SORCS1: variants seen among roughly 807,000 people sequenced by gnomAD.
SORCS1 encodes the protein sortilin related VPS10 domain containing receptor 1.
Under a neutral mutation model 146.1 loss-of-function variants are expected in SORCS1, and 60 were observed. That is an observed-to-expected ratio of 0.41 (90% confidence interval 0.33 to 0.51). SORCS1 has a LOEUF of 0.51. Among genes scored for constraint, SORCS1 ranks in the 20% least tolerant of loss-of-function variants. SORCS1 has a pLI of 0.21. For missense variants in SORCS1, 1,352 were observed against 1,487.6 expected (o/e 0.91, Z 1.50); for synonymous variants, 637 against 584.0 (o/e 1.09, Z -1.31).
At chr10:106,844,999 G>C (rs1186790843) in intron 2 of SORCS1, among the ~76,000 whole-genome samples, 1 of 138,648 alleles carries the variant, frequency 7.2e-6, no homozygotes, top group East Asian at 2.3e-4. Flanking sequence ...CATTTGGGTT[G>C]GTTCCAAGTC....
chr10:106,807,005 A>G lies in SORCS1; in HGVS notation c.726+22569T>C, dbSNP rs560121182. Among the ~76,000 whole-genome samples the G allele has an allele frequency of 2.3e-4, 35 of 152,312 alleles. No homozygotes were observed. The South Asian group carries it at 5.2e-3, about 23-fold the overall frequency. Reference sequence around the variant, plus strand: ...ATAAAGGCATGGGGAAAAAAAGCACATATGTTCACCATCCTACTTCTCGTC... The same window carrying G: ...ATAAAGGCATGGGGAAAAAAAGCACGTATGTTCACCATCCTACTTCTCGTC... On this transcript the variant is annotated intron_variant, in intron 3 of 25. Transcript: ENST00000263054.
chr10:106,824,101 C>T (rs1948179171), intron 3 of SORCS1, among the ~76,000 whole-genome samples: 1 of 149,760 alleles, frequency 6.7e-6, no homozygotes, highest in Admixed American at 6.7e-5. Flanking sequence ...GTCAGGAGTT[C>T]GAAACCAGCC....
At chr10:107,008,224 CAA>C (rs1957539646) in intron 1 of SORCS1, among the ~76,000 whole-genome samples, 1 of 151,950 alleles carries the variant, frequency 6.6e-6, no homozygotes, top group Non-Finnish European at 1.5e-5. Context: ...TAAAGCCACT[CAA>C]AAAGACAGTA....
At chr10:106,882,166 G>T (rs1950825548) in intron 2 of SORCS1, among the ~76,000 whole-genome samples, 2 of 152,084 alleles carry the variant, frequency 1.3e-5, no homozygotes, top group Non-Finnish European at 2.9e-5. Flanking sequence ...TGGGAATATG[G>T]TCTACCAGAG....
intron 1 of SORCS1, among the ~76,000 whole-genome samples, chr10:107,065,466 C>CCCTCTCCTCTCCTCTCCTCTCCTCT (rs61458526): frequency 5.1e-5 from 3 of 59,028 alleles, no homozygotes; most frequent in East Asian, 4.0e-4. Context: ...CTTTCTCTCT[C>CCCTCTCCTCTCCTCTCCTCTCCTCT]CCTCTCCTCT....
chr10:107,138,398 T>G (rs1967521371), intron 1 of SORCS1, among the ~76,000 whole-genome samples: 1 of 152,224 alleles, frequency 6.6e-6, no homozygotes, highest in African/African-American at 2.4e-5. Flanking sequence ...AAAGAGAATG[T>G]GTTTTCTTAC....
At chr10:106,812,301 G>A (rs1331606281) in intron 3 of SORCS1, among the ~76,000 whole-genome samples, 1 of 152,046 alleles carries the variant, frequency 6.6e-6, no homozygotes, top group Non-Finnish European at 1.5e-5. Context: ...CACCCAGCCT[G>A]GAGTTTTGTT....
At chr10:106,655,188 T>C (rs1169178310) in intron 17 of SORCS1, among the ~76,000 whole-genome samples, 1 of 152,076 alleles carries the variant, frequency 6.6e-6, no homozygotes, top group East Asian at 1.9e-4. Context: ...AAATCCTTTG[T>C]AGTTGCTTTT....
chr10:107,110,747 G>C (rs552827264), intron 1 of SORCS1, among the ~76,000 whole-genome samples: 19 of 152,178 alleles, frequency 1.2e-4, no homozygotes, highest in Non-Finnish European at 4.4e-5. Flanking sequence ...CTGGGGTCAG[G>C]ACTGCCTGCC....
At position 107,164,491 on chromosome 10, in the gene SORCS1, G is replaced by T; in HGVS notation, c.36C>A (p.Ala12=). 1 of 1,353,598 alleles carries T rather than the reference G, an allele frequency of 7.4e-7. No individual in the cohort carries two copies. The highest frequency in any genetic ancestry group is 3.0e-5 in the East Asian group (1 of 33,178). The allele number at this position is 1,353,598 out of a possible 1,614,324, so 83.8% of individuals were successfully genotyped here. A position where few individuals can be genotyped will look rare whatever the true frequency, so the allele number is the denominator to read the frequency against. Residue 12 remains alanine, a synonymous_variant, in exon 1 of 26, where the codon GCC becomes GCA. Transcript: ENST00000263054. This position sits in a 1 kb window ranked among gnomAD's most constrained non-coding sequence, Gnocchi z 6.8. ...CGCCGGCGAGGAGCGCGCTCAGCCGGGCTTGGGAGCCGCCGCCGGCGCCAA... is the reference window on the plus strand; with the variant it reads ...CGCCGGCGAGGAGCGCGCTCAGCCGTGCTTGGGAGCCGCCGCCGGCGCCAA... ...GKVGAGGGSQ[A]RLSALLAGAG... is the part of the protein sequence containing the mutation.
chr10:106,780,933 T>G (rs916463735), intron 3 of SORCS1, among the ~76,000 whole-genome samples: 3 of 151,586 alleles, frequency 2.0e-5, no homozygotes, highest in Non-Finnish European at 4.4e-5. Flanking sequence ...AGTAGACAAA[T>G]GAACATGAAA....
chr10:106,966,280 AC>A (rs57803196), intron 1 of SORCS1, among the ~76,000 whole-genome samples: 9,373 of 152,266 alleles, frequency 0.062, 880 homozygotes, highest in African/African-American at 0.2. Flanking sequence ...CACACACCAC[AC>A]ACACTCACAC....
intron 1 of SORCS1, among the ~76,000 whole-genome samples, chr10:107,094,270 T>C (rs1255905025): frequency 6.6e-6 from 1 of 152,226 alleles, no homozygotes; most frequent in Non-Finnish European, 1.5e-5. Flanking sequence ...ATATCATCTT[T>C]AATATTCTAA....
chr10:106,995,196 C>A (rs1385472707), intron 1 of SORCS1, among the ~76,000 whole-genome samples: 1 of 151,862 alleles, frequency 6.6e-6, no homozygotes, highest in African/African-American at 2.4e-5. Flanking sequence ...CGCCTGTAGT[C>A]CCAGCTACTC....
intron 4 of SORCS1, among the ~76,000 whole-genome samples, chr10:106,766,260 G>A (rs1006691427): frequency 9.9e-5 from 15 of 152,144 alleles, no homozygotes; most frequent in Admixed American, 9.8e-4. Flanking sequence ...AGAAAATCCT[G>A]CCAGTTCTAT....
chr10:106,876,170 G>A (rs897634565), intron 2 of SORCS1, among the ~76,000 whole-genome samples: 3 of 152,110 alleles, frequency 2.0e-5, no homozygotes, highest in Non-Finnish European at 4.4e-5. Flanking sequence ...AAGCATTCTG[G>A]TTAAAGATAC....
chr10:106,613,724 A>C (rs925537501), intron 21 of SORCS1, among the ~76,000 whole-genome samples: 1 of 152,170 alleles, frequency 6.6e-6, no homozygotes, highest in Non-Finnish European at 1.5e-5. Context: ...TCCACATTGC[A>C]TTTAGTATAA....
intron 23 of SORCS1, among the ~76,000 whole-genome samples, chr10:106,606,274 T>TACAC (rs6144077): frequency 0.012 from 1,691 of 138,966 alleles, 27 homozygotes; most frequent in African/African-American, 0.036. Context: ...CACACAGATA[T>TACAC]ACACACACAC....
chr10:106,660,917 G>C (rs1185670455), intron 17 of SORCS1, among the ~76,000 whole-genome samples: 2 of 152,178 alleles, frequency 1.3e-5, no homozygotes, highest in African/African-American at 4.8e-5. Flanking sequence ...AATATCTCCA[G>C]CTTAATAGCA....
Sources: allele counts gnomAD v4.1 joint callset (sites outside exome capture counted in the v4.1 genomes callset), GRCh38; gene constraint gnomAD v4.1.1; non-coding constraint Gnocchi (gnomAD v3.1); transcripts MANE v1.5; gene names NCBI Gene and HGNC (gene_info 2026-07-23, HGNC 2026-07-21).